The following PTPRM variants were observed in gnomAD, a reference collection of about 807,000 sequenced individuals.
PTPRM encodes protein tyrosine phosphatase receptor type M, also known as receptor-type tyrosine-protein phosphatase mu.
A neutral mutation model predicts 186.7 loss-of-function variants in PTPRM; 47 were observed. That is an observed-to-expected ratio of 0.25 (90% CI 0.20 to 0.32). PTPRM has a LOEUF of 0.32. Ranked by LOEUF, PTPRM falls within the 10% of genes least tolerant of loss-of-function variation. The pLI is 1.00. For synonymous variants in PTPRM, 668 were observed against 674.9 expected (o/e 0.99, Z 0.16); for missense variants, 1,494 against 1,865.0 (o/e 0.80, Z 3.66).
At chr18:7,849,558 A>G (rs911231287) in intron 2 of PTPRM, among the ~76,000 whole-genome samples, 1 of 152,234 alleles carries the variant, frequency 6.6e-6, no homozygotes, top group Non-Finnish European at 1.5e-5. Flanking sequence ...ACTAACAGTG[A>G]GGCACTTTTT....
intron 7 of PTPRM, among the ~76,000 whole-genome samples, chr18:8,020,098 C>T (rs2085116528): frequency 6.6e-6 from 1 of 152,156 alleles, no homozygotes; most frequent in African/African-American, 2.4e-5. Flanking sequence ...TTATCATTAA[C>T]TGTTTGCATT....
chr18:8,226,110 T>C (rs546162951), intron 14 of PTPRM, among the ~76,000 whole-genome samples: 85 of 151,958 alleles, frequency 5.6e-4, no homozygotes, highest in African/African-American at 1.9e-3. Flanking sequence ...TTGAGGAACG[T>C]TTCTGTAACA....
At chr18:7,825,515 G>C (rs1030552304) in intron 2 of PTPRM, among the ~76,000 whole-genome samples, 1 of 152,076 alleles carries the variant, frequency 6.6e-6, no homozygotes, top group African/African-American at 2.4e-5. Flanking sequence ...GAGGGATGGA[G>C]GATAGGTATA....
intron 1 of PTPRM, among the ~76,000 whole-genome samples, chr18:7,699,383 T>G (rs1253627765): frequency 6.6e-6 from 1 of 152,192 alleles, no homozygotes; most frequent in African/African-American, 2.4e-5. Context: ...TGATGTTGTT[T>G]GATAAATAAA....
intron 13 of PTPRM, among the ~76,000 whole-genome samples, chr18:8,142,013 AGC>A (rs1445778998): frequency 6.6e-6 from 1 of 152,224 alleles, no homozygotes; most frequent in Non-Finnish European, 1.5e-5. Flanking sequence ...CCTCCCAGTC[AGC>A]CACCTGGTGA....
chr18:7,713,611 G>C (rs1001602782), intron 1 of PTPRM, among the ~76,000 whole-genome samples: 19 of 150,508 alleles, frequency 1.3e-4, no homozygotes, highest in African/African-American at 4.6e-4. Context: ...TCAGTGTGCT[G>C]TATTCAGGAG....
chr18:8,002,067 A>ATG (rs2147777992), intron 7 of PTPRM, among the ~76,000 whole-genome samples: 1 of 152,318 alleles, frequency 6.6e-6, no homozygotes, highest in African/African-American at 2.4e-5. Context: ...ACCACGTGAG[A>ATG]TGAGATCATA....
chr18:7,826,517 A>G (rs1005220904), intron 2 of PTPRM, among the ~76,000 whole-genome samples: 1 of 152,220 alleles, frequency 6.6e-6, no homozygotes, highest in Non-Finnish European at 1.5e-5. Flanking sequence ...GGTTTATTTC[A>G]TTTATCGTGT....
At chr18:7,938,830 G>A (rs116146952) in intron 5 of PTPRM, among the ~76,000 whole-genome samples, 3,480 of 152,204 alleles carry the variant, frequency 0.023, 48 homozygotes, top group African/African-American at 0.044. Flanking sequence ...ATATCTGTAT[G>A]TTATTTTGGC....
At chr18:8,175,828 G>A (rs2093472080) in intron 14 of PTPRM, among the ~76,000 whole-genome samples, 1 of 152,210 alleles carries the variant, frequency 6.6e-6, no homozygotes, top group Non-Finnish European at 1.5e-5. Flanking sequence ...ATTTTAGCGT[G>A]AGAATTGTCT....
chr18:7,979,404 A>C (rs1159568585), intron 7 of PTPRM, among the ~76,000 whole-genome samples: 1 of 152,170 alleles, frequency 6.6e-6, no homozygotes, highest in Non-Finnish European at 1.5e-5. Context: ...TTGGTTGGAT[A>C]CCTTTGGAAA....
Position 8,387,060 on chromosome 18 carries a change from T to A in PTPRM, c.4045-12T>A, listed in dbSNP as rs664201. The A allele has an allele frequency of 3.2e-6, 5 of 1,586,414 alleles. No homozygotes were observed. Among genetic ancestry groups the A allele is most frequent in the Non-Finnish European group, 4.3e-6 (5 of 1,156,140 alleles). The stretch of plus-strand genomic sequence containing the variant: ...TCTTTCCACTCCCCGATTGTTGCCT[T>A]GTTCTTCGTAGCCCCAAGATGGATA... On this transcript the variant is annotated splice_polypyrimidine_tract_variant and intron_variant, in intron 30 of 32. Transcript: ENST00000580170.
chr18:8,214,630 T>G (rs2094054504), intron 14 of PTPRM, among the ~76,000 whole-genome samples: 1 of 152,172 alleles, frequency 6.6e-6, no homozygotes, highest in East Asian at 1.9e-4. Flanking sequence ...TGGTTTGTAT[T>G]TCTAATACGA....
chr18:8,069,781 T>C lies in PTPRM; in HGVS notation c.1228T>C (p.Cys410Arg). 1 of 1,613,766 alleles carries C rather than the reference T, an allele frequency of 6.2e-7. No individual in the cohort carries two copies. Among genetic ancestry groups the C allele is most frequent in the Non-Finnish European group, 8.5e-7 (1 of 1,179,632 alleles). ...GCCATTTGGATATAATGTAACTCGT[T>C]GCCACAGTTATAATCTCACTGTCCA... The part of the protein sequence containing the change: ...WEPFGYNVTR[C>R]HSYNLTVHYC... Residue 410 changes from cysteine (C) to arginine (R), a missense_variant, in exon 8 of 33, where the codon TGC (cysteine) becomes CGC (arginine). Physicochemically the swap from Cys to Arg is radical, Grantham distance 180 (BLOSUM62 -3). This residue lies in a region of PTPRM where 1,107 missense variants were observed against 1,350.2 expected (regional missense o/e 0.82). Transcript: ENST00000580170.
In PTPRM at chr18:7,746,630, T is replaced by C. The variant is rs556776217; in HGVS notation, c.74-27519T>C. 3.1e-3 allele frequency among the ~76,000 whole-genome samples: 470 copies of C among 152,212 alleles called. 5 individuals are homozygous for C. Among genetic ancestry groups the C allele is most frequent in the African/African-American group, 0.011 (449 of 41,538 alleles). ...ACAAGCGTGCAACACCATGCCTGGC[T>C]AATTTTTGTATTTTTAGTAGAGATA... On this transcript the variant is annotated intron_variant, in intron 1 of 32. Transcript: ENST00000580170.
intron 1 of PTPRM, among the ~76,000 whole-genome samples, chr18:7,649,432 C>T (rs1190404776): frequency 6.6e-6 from 1 of 152,176 alleles, no homozygotes; most frequent in African/African-American, 2.4e-5. Flanking sequence ...AGTTATTTCT[C>T]TGATTGATCT....
At chr18:7,867,294 G>A (rs558495715) in intron 2 of PTPRM, among the ~76,000 whole-genome samples, 2 of 152,218 alleles carry the variant, frequency 1.3e-5, no homozygotes, top group Admixed American at 6.5e-5. Flanking sequence ...TCATAGTGTC[G>A]ATGTTCTTTA....
intron 7 of PTPRM, among the ~76,000 whole-genome samples, chr18:8,022,177 G>C (rs527704162): frequency 1.3e-5 from 2 of 152,152 alleles, no homozygotes; most frequent in South Asian, 4.2e-4. Context: ...TCTTCTCTCT[G>C]AGGGCTGTCC....
intron 2 of PTPRM, among the ~76,000 whole-genome samples, chr18:7,878,694 A>T (rs1265021735): frequency 6.6e-6 from 1 of 152,180 alleles, no homozygotes; most frequent in Non-Finnish European, 1.5e-5. Context: ...GTAGACTATC[A>T]CCAGATAGCT....
Sources: allele counts gnomAD v4.1 joint callset (sites outside exome capture counted in the v4.1 genomes callset), GRCh38; gene constraint gnomAD v4.1.1; regional missense constraint gnomAD v4.1.1; transcripts MANE v1.5; gene names NCBI Gene and HGNC (gene_info 2026-07-23, HGNC 2026-07-21).